The following OSTM1 variants were observed in gnomAD, a reference collection of about 807,000 sequenced individuals.
OSTM1 encodes osteoclastogenesis associated transmembrane protein 1, also known as osteopetrosis-associated transmembrane protein 1.
OSTM1 carries 26 observed loss-of-function variants against 35.4 expected under a neutral mutation model. That is an observed-to-expected ratio of 0.73 (90% confidence interval 0.54 to 1.02). The LOEUF is 1.02. Among genes scored for constraint, OSTM1 ranks in the 50% least tolerant of loss-of-function variants. OSTM1 has a pLI of 0.00. For synonymous variants in OSTM1, 181 were observed against 165.0 expected (o/e 1.10, Z -0.75); for missense variants, 366 against 409.6 (o/e 0.89, Z 0.92).
At chr6:108,054,992 G>C (rs1462309967) in intron 2 of OSTM1, among the ~76,000 whole-genome samples, 1 of 152,104 alleles carries the variant, frequency 6.6e-6, no homozygotes, top group East Asian at 1.9e-4. Context: ...ATAGTTCTCT[G>C]CATCTTCCAA....
chr6:108,042,838 T>G lies in OSTM1; in HGVS notation c.*1947A>C, dbSNP rs1290652581. On this transcript the variant is annotated 3_prime_UTR_variant, in exon 6 of 6. Transcript: ENST00000193322. ...AAAGCTTACAATTTCCTTATTTCCT[T>G]TATTTTAATGTGTCAAAAAAACACT... 6.6e-6 allele frequency: 1 copy of G among 152,246 alleles called. No individual in the cohort carries two copies. The highest frequency in any genetic ancestry group is 1.5e-5 in the Non-Finnish European group (1 of 68,042). 9.4% of individuals were successfully genotyped at this position (152,246 alleles called of 1,614,324 possible).
chr6:108,051,338 T>G, intron 3 of OSTM1, 140 bp from the exon 4 acceptor site: 1 of 640,686 alleles, frequency 1.6e-6, no homozygotes, highest in Non-Finnish European at 2.7e-6. Flanking sequence ...AGTAGGTTAC[T>G]AAATCACTCT....
At chr6:108,067,239 G>A (rs1021147671) in intron 1 of OSTM1, among the ~76,000 whole-genome samples, 1 of 152,028 alleles carries the variant, frequency 6.6e-6, no homozygotes, top group Admixed American at 6.6e-5. Context: ...AGAAGCCTTC[G>A]AGCTGAAACT....
At chr6:108,049,441 CT>C in intron 4 of OSTM1, 23 bp from the exon 5 acceptor site, 1 of 1,610,396 alleles carries the variant, frequency 6.2e-7, no homozygotes, top group Non-Finnish European at 8.5e-7. Context: ...CAAACAATAT[CT>C]TTCTATTTTA....
intron 5 of OSTM1, among the ~76,000 whole-genome samples, chr6:108,046,869 C>CT (rs112049101): frequency 0.24 from 36,699 of 151,834 alleles, 4,467 homozygotes; most frequent in Admixed American, 0.26. Flanking sequence ...TAGCTTCTGA[C>CT]AAAATTCAAA....
intron 1 of OSTM1, among the ~76,000 whole-genome samples, chr6:108,065,188 A>C (rs925514142): frequency 6.6e-6 from 1 of 151,244 alleles, no homozygotes; most frequent in African/African-American, 2.4e-5. Flanking sequence ...ACTCTTTTTT[A>C]GAATTACCTT....
chr6:108,070,181 G>A (rs898091439), intron 1 of OSTM1, among the ~76,000 whole-genome samples: 1 of 152,122 alleles, frequency 6.6e-6, no homozygotes, highest in African/African-American at 2.4e-5. Flanking sequence ...GGGATTACAG[G>A]CACATGCCAC....
intron 1 of OSTM1, among the ~76,000 whole-genome samples, chr6:108,072,476 T>C (rs949252882): frequency 6.6e-6 from 1 of 151,800 alleles, no homozygotes; most frequent in African/African-American, 2.4e-5. Flanking sequence ...CTACTAAAAA[T>C]ACAATAATTA....
At chr6:108,065,036 T>C (rs1336889324) in intron 1 of OSTM1, among the ~76,000 whole-genome samples, 1 of 151,836 alleles carries the variant, frequency 6.6e-6, no homozygotes, top group Non-Finnish European at 1.5e-5. Context: ...TTTTTGTGTT[T>C]GTAGTAGAGA....
chr6:108,047,582 G>A (rs1772000090), intron 5 of OSTM1, among the ~76,000 whole-genome samples: 1 of 151,994 alleles, frequency 6.6e-6, no homozygotes, highest in Admixed American at 6.6e-5. Context: ...ATGGAAGGAG[G>A]GATACCAGTT....
chr6:108,072,437 C>G (rs2114614061), intron 1 of OSTM1, among the ~76,000 whole-genome samples: 2 of 152,112 alleles, frequency 1.3e-5, no homozygotes, highest in East Asian at 3.9e-4. Context: ...AGTTCGAGAA[C>G]AGCCTGGTCA....
At position 108,074,374 on chromosome 6, in the gene OSTM1, T is replaced by C. The variant is rs1354770509; in HGVS notation, c.278A>G (p.Asn93Ser). The C allele has an allele frequency of 3.8e-6, 6 of 1,595,048 alleles. No individual in the cohort carries two copies. The highest frequency in any genetic ancestry group is 3.4e-5 in the South Asian group (3 of 88,722). Residue 93 changes from asparagine (N) to serine (S), a missense_variant, in exon 1 of 6, where the codon AAC (asparagine) becomes AGC (serine). Coordinates refer to ENST00000193322, the MANE Select transcript of OSTM1 (RefSeq NM_014028.4). ...ACACCCTGTCAGCTCTGCGCTGCTG[T>C]TGGCGAAGTCCAGCAGGAGCTCCCG... is the stretch of plus-strand genomic sequence containing the variant. ...ECRELLLDFA[N>S]SSAELTGCLV...
intron 4 of OSTM1, among the ~76,000 whole-genome samples, chr6:108,050,267 T>C (rs1365825740): frequency 6.6e-6 from 1 of 151,866 alleles, no homozygotes; most frequent in Non-Finnish European, 1.5e-5. Flanking sequence ...ATAAATATTT[T>C]CAGATGGTAA....
Position 108,049,363 on chromosome 6 carries a change from C to T in OSTM1, c.839G>A (p.Ser280Asn), listed in dbSNP as rs1217480557. ...AACAGCAATTACAGGCACTGTGTCACTGCAAGGGACTGAACAGTTGAAAGT... is the reference window on the plus strand; with the variant it reads ...AACAGCAATTACAGGCACTGTGTCATTGCAAGGGACTGAACAGTTGAAAGT... ...SRTFNCSVPC[S>N]DTVPVIAVSV... Residue 280 changes from serine to asparagine, a missense_variant, in exon 5 of 6, where the codon AGT becomes AAT. By Grantham distance (46) the Ser-to-Asn change is conservative. Transcript: ENST00000193322. 1.9e-6 allele frequency: 3 copies of T among 1,613,370 alleles called. No homozygotes were observed. Among genetic ancestry groups the T allele is most frequent in the South Asian group, 2.2e-5 (2 of 91,050 alleles).
intron 1 of OSTM1, among the ~76,000 whole-genome samples, chr6:108,067,044 CA>C (rs1252798520): frequency 6.6e-6 from 1 of 152,160 alleles, no homozygotes; most frequent in African/African-American, 2.4e-5. Flanking sequence ...GAGCTGCTGG[CA>C]AAAAATTAAC....
chr6:108,052,597 C>A (rs1187706378), intron 3 of OSTM1, among the ~76,000 whole-genome samples: 1 of 150,048 alleles, frequency 6.7e-6, no homozygotes, highest in African/African-American at 2.5e-5. Flanking sequence ...GATCCTCCCA[C>A]CTCAACCTTC....
At chr6:108,050,358 CTTTTTTTTT>C (rs759901355) in intron 4 of OSTM1, among the ~76,000 whole-genome samples, 27 of 104,818 alleles carry the variant, frequency 2.6e-4, no homozygotes, top group East Asian at 9.4e-4. Context: ...CCAGAAACGT[CTTTTTTTTT>C]TTTTTTTTTT....
chr6:108,064,304 A>G lies in OSTM1; in HGVS notation c.403-5T>C. ...ACTCTGACTCTCTGAAGTATTCTGT[A>G]ACAAAAAGAAGACAGAAAAATACAA... On this transcript the variant is annotated splice_polypyrimidine_tract_variant and splice_region_variant and intron_variant, in intron 1 of 5. Transcript: ENST00000193322. 1 of 1,441,262 alleles carries G rather than the reference A, an allele frequency of 6.9e-7. No homozygotes were observed. The highest frequency in any genetic ancestry group is 9.7e-7 in the Non-Finnish European group (1 of 1,028,072). The allele number at this position is 1,441,262 out of a possible 1,614,324, so 89.3% of individuals were successfully genotyped here. A position where few individuals can be genotyped will look rare whatever the true frequency, so the allele number is the denominator to read the frequency against.
chr6:108,069,501 A>G (rs1772444901), intron 1 of OSTM1, among the ~76,000 whole-genome samples: 1 of 152,250 alleles, frequency 6.6e-6, no homozygotes. Context: ...ATAGATAGGT[A>G]GATGGATGGA....
Sources: gnomAD v4.1 joint callset for allele counts (sites outside exome capture counted in the v4.1 genomes callset) on GRCh38, gnomAD v4.1.1 for gene constraint, MANE v1.5 for transcripts, NCBI Gene and HGNC (gene_info 2026-07-23, HGNC 2026-07-21) for gene names.